The following DLG2 variants were observed in gnomAD, a reference collection of about 807,000 sequenced individuals.
DLG2 encodes the protein discs large MAGUK scaffold protein 2, also known as disks large homolog 2.
Under a neutral mutation model 132.5 loss-of-function variants are expected in DLG2, and 45 were observed. The ratio of observed to expected loss-of-function variants is 0.34; its 90% CI spans 0.27 to 0.44. The LOEUF is 0.44. Among genes scored for constraint, DLG2 ranks in the 20% least tolerant of loss-of-function variants. The pLI is 1.00. For missense variants in DLG2, 1,045 were observed against 1,196.9 expected, an observed-to-expected ratio of 0.87 and a Z score of 1.87; for synonymous variants, 424 against 419.6, an observed-to-expected ratio of 1.01 and a Z score of -0.13.
At chr11:83,626,105 A>G (rs2062480168) in intron 19 of DLG2, among the ~76,000 whole-genome samples, 1 of 152,204 alleles carries the variant, frequency 6.6e-6, no homozygotes, top group South Asian at 2.1e-4. Flanking sequence ...AGTATTGAAT[A>G]ATACTGATTC....
chr11:84,176,918 C>T (rs565282201), intron 8 of DLG2, among the ~76,000 whole-genome samples: 13 of 151,868 alleles, frequency 8.6e-5, no homozygotes, highest in Middle Eastern at 3.4e-3. Flanking sequence ...CCCTTCCTTT[C>T]CTTTTCTTTT....
At chr11:83,863,541 A>G (rs917218288) in intron 16 of DLG2, among the ~76,000 whole-genome samples, 8 of 152,146 alleles carry the variant, frequency 5.3e-5, no homozygotes, top group African/African-American at 1.9e-4. Context: ...GTTCTAGCAC[A>G]TGAGAAAGAA....
At chr11:85,312,582 C>A (rs372127563) in intron 3 of DLG2, among the ~76,000 whole-genome samples, 158 of 151,886 alleles carry the variant, frequency 1.0e-3, no homozygotes, top group Middle Eastern at 0.01. Context: ...TCCTAAGTCC[C>A]CAGATCCTAA....
chr11:84,087,321 T>C (rs2097002996), intron 10 of DLG2, among the ~76,000 whole-genome samples: 2 of 152,202 alleles, frequency 1.3e-5, no homozygotes, highest in Admixed American at 1.3e-4. Context: ...ACTTATACTG[T>C]CCATCTTTTT....
At chr11:84,329,436 G>A (rs184899012) in intron 7 of DLG2, among the ~76,000 whole-genome samples, 35 of 152,250 alleles carry the variant, frequency 2.3e-4, no homozygotes, top group Admixed American at 8.5e-4. Flanking sequence ...GATAGTGTGT[G>A]AGTTCTCATG....
At chr11:85,393,834 A>G (rs904629830) in intron 3 of DLG2, among the ~76,000 whole-genome samples, 1 of 152,142 alleles carries the variant, frequency 6.6e-6, no homozygotes, top group Non-Finnish European at 1.5e-5. Context: ...TTATGTTCTC[A>G]CTCATAAATG....
At chr11:84,685,767 G>C (rs1032801081) in intron 6 of DLG2, among the ~76,000 whole-genome samples, 5 of 151,798 alleles carry the variant, frequency 3.3e-5, no homozygotes, top group African/African-American at 1.2e-4. Context: ...GTGCAGTGGC[G>C]CGATCTCGGC....
intron 7 of DLG2, among the ~76,000 whole-genome samples, chr11:84,479,549 C>T (rs1415392128): frequency 6.6e-6 from 1 of 152,048 alleles, no homozygotes; most frequent in Non-Finnish European, 1.5e-5. Flanking sequence ...GCAAGAAATT[C>T]TTAATCCAAC....
At chr11:85,583,679 G>T (rs1219753249) in intron 3 of DLG2, among the ~76,000 whole-genome samples, 3 of 151,918 alleles carry the variant, frequency 2.0e-5, no homozygotes. Context: ...TCTATCTTTC[G>T]CTAGGAGCCA....
At chr11:85,270,633 C>T (rs1334810069) in intron 4 of DLG2, among the ~76,000 whole-genome samples, 1 of 152,118 alleles carries the variant, frequency 6.6e-6, no homozygotes, top group Non-Finnish European at 1.5e-5. Context: ...ATGCATTTGA[C>T]CAAAATGCTC....
At chr11:84,732,695 G>A (rs1006979441) in intron 6 of DLG2, among the ~76,000 whole-genome samples, 3 of 151,766 alleles carry the variant, frequency 2.0e-5, no homozygotes, top group Non-Finnish European at 2.9e-5. Flanking sequence ...TGCACAATGT[G>A]CAGGTTGTTA....
At chr11:85,295,982 C>T (rs512910) in intron 3 of DLG2, among the ~76,000 whole-genome samples, 123,489 of 152,056 alleles carry the variant, frequency 0.81, 50,510 homozygotes, top group Middle Eastern at 0.89. Flanking sequence ...AGGAGACAAA[C>T]ATTAAAGAGG....
intron 3 of DLG2, among the ~76,000 whole-genome samples, chr11:85,350,371 T>G: frequency 6.6e-6 from 1 of 152,376 alleles, no homozygotes; most frequent in African/African-American, 2.4e-5. Context: ...CTGTTCACTA[T>G]GCTGGTAGCT....
intron 6 of DLG2, among the ~76,000 whole-genome samples, chr11:84,937,540 C>T (rs1047707482): frequency 6.6e-6 from 1 of 152,080 alleles, no homozygotes; most frequent in Admixed American, 6.6e-5. Flanking sequence ...AGCGTATATA[C>T]AGGAGTTAAC....
chr11:84,162,318 A>G (rs1032135499), intron 9 of DLG2, among the ~76,000 whole-genome samples: 1 of 151,908 alleles, frequency 6.6e-6, no homozygotes, highest in African/African-American at 2.4e-5. Flanking sequence ...GTATTTATGT[A>G]TATATATTAT....
intron 21 of DLG2, among the ~76,000 whole-genome samples, chr11:83,492,065 C>A (rs945642575): frequency 3.3e-5 from 5 of 152,012 alleles, no homozygotes; most frequent in African/African-American, 1.2e-4. Context: ...TGAGTATTTG[C>A]AGCAAAGATC....
At chr11:84,375,316 G>A (rs1225468978) in intron 7 of DLG2, among the ~76,000 whole-genome samples, 2 of 152,102 alleles carry the variant, frequency 1.3e-5, no homozygotes, top group South Asian at 2.1e-4. Context: ...CTGAGTGAAT[G>A]AATGCATGAA....
chr11:84,741,641 C>T (rs1459466229), intron 6 of DLG2, among the ~76,000 whole-genome samples: 1 of 151,844 alleles, frequency 6.6e-6, no homozygotes, highest in African/African-American at 2.4e-5. Flanking sequence ...ACCTACTGAA[C>T]CAACACCTCG....
At chr11:85,377,463 G>T (rs563298880) in intron 3 of DLG2, among the ~76,000 whole-genome samples, 3 of 152,080 alleles carry the variant, frequency 2.0e-5, no homozygotes, top group African/African-American at 4.8e-5. Context: ...TACTGGGCTT[G>T]AATGTCTAAA....
Sources: gnomAD v4.1 joint callset for allele counts (sites outside exome capture counted in the v4.1 genomes callset) on GRCh38, gnomAD v4.1.1 for gene constraint, MANE v1.5 for transcripts, NCBI Gene and HGNC (gene_info 2026-07-23, HGNC 2026-07-21) for gene names.